Variants in KIAA1217 observed in about 807,000 individuals in gnomAD.
The protein encoded by KIAA1217 is KIAA1217.
A neutral mutation model predicts 163.9 loss-of-function variants in KIAA1217; 88 were observed. The observed-to-expected ratio is 0.54, with a 90% CI of 0.45 to 0.64. KIAA1217 has a LOEUF of 0.64. Ranked by LOEUF, KIAA1217 falls within the 30% of genes least tolerant of loss-of-function variation. The pLI is 0.00. For synonymous variants in KIAA1217, 903 were observed against 923.1 expected, an observed-to-expected ratio of 0.98 and a Z score of 0.39; for missense variants, 2,372 against 2,475.0, an observed-to-expected ratio of 0.96 and a Z score of 0.88.
chr10:23,706,877 G>C (rs188878014), intron 1 of KIAA1217, among the ~76,000 whole-genome samples: 58 of 152,248 alleles, frequency 3.8e-4, no homozygotes, highest in Non-Finnish European at 3.2e-4. Context: ...GTATGGAAGA[G>C]GGGAGGAAAA....
intron 2 of KIAA1217, among the ~76,000 whole-genome samples, chr10:24,096,625 C>T (rs1564696898): frequency 6.6e-6 from 1 of 152,176 alleles, no homozygotes; most frequent in Non-Finnish European, 1.5e-5. Context: ...CCCCATCTCC[C>T]TCTGTCTCCT....
intron 3 of KIAA1217, among the ~76,000 whole-genome samples, chr10:24,398,278 T>C (rs190098656): frequency 6.6e-6 from 1 of 152,304 alleles, no homozygotes; most frequent in East Asian, 1.9e-4. Flanking sequence ...AAGTGGGTCA[T>C]CATTAAGCTC....
chr10:23,969,688 A>T (rs1046749407), intron 1 of KIAA1217, among the ~76,000 whole-genome samples: 1 of 152,162 alleles, frequency 6.6e-6, no homozygotes, highest in Non-Finnish European at 1.5e-5. Flanking sequence ...AAGTCCCTTT[A>T]TCAAATATAT....
chr10:23,934,074 A>G (rs1438412116), intron 1 of KIAA1217, among the ~76,000 whole-genome samples: 1 of 152,196 alleles, frequency 6.6e-6, no homozygotes, highest in Non-Finnish European at 1.5e-5. Context: ...TTCTACTATA[A>G]AAACAGATGC....
At chr10:24,405,340 A>C (rs2057093147) in intron 3 of KIAA1217, among the ~76,000 whole-genome samples, 1 of 152,244 alleles carries the variant, frequency 6.6e-6, no homozygotes, top group African/African-American at 2.4e-5. Context: ...AAGAAGGATA[A>C]TAAACCTAGA....
chr10:24,049,386 C>CTT (rs534671269), intron 2 of KIAA1217, among the ~76,000 whole-genome samples: 6 of 152,202 alleles, frequency 3.9e-5, no homozygotes, highest in African/African-American at 1.4e-4. Flanking sequence ...TAAATTATCT[C>CTT]TTTTTTTAAC....
chr10:24,054,113 C>T (rs1466072424), intron 2 of KIAA1217, among the ~76,000 whole-genome samples: 7 of 152,118 alleles, frequency 4.6e-5, no homozygotes, highest in Non-Finnish European at 7.4e-5. Context: ...TGTGGTTCCA[C>T]GGGGTTTAAC....
At chr10:23,999,990 C>A (rs1846666708) in intron 1 of KIAA1217, among the ~76,000 whole-genome samples, 1 of 152,108 alleles carries the variant, frequency 6.6e-6, no homozygotes, top group African/African-American at 2.4e-5. Context: ...CACTTGAGCC[C>A]AGGAGTTTGA....
At chr10:23,824,652 AAAAAAAATATAT>A (rs1837799375) in intron 1 of KIAA1217, among the ~76,000 whole-genome samples, 1 of 10,548 alleles carries the variant, frequency 9.5e-5, no homozygotes, top group African/African-American at 2.0e-4. Context: ...AAAAAAAAAT[AAAAAAAATATAT>A]ATATATATAT....
intron 5 of KIAA1217, among the ~76,000 whole-genome samples, chr10:24,446,637 G>A (rs75885544): frequency 0.077 from 11,756 of 152,192 alleles, 512 homozygotes; most frequent in Middle Eastern, 0.12. Context: ...TGACCCACCT[G>A]TAATATCCCC....
chr10:24,198,062 C>T (rs746481536), intron 2 of KIAA1217, among the ~76,000 whole-genome samples: 1 of 152,236 alleles, frequency 6.6e-6, no homozygotes, highest in Non-Finnish European at 1.5e-5. Context: ...CACCTCTGTG[C>T]TGTGTTGCTT....
At chr10:23,789,891 T>A (rs1835659332) in intron 1 of KIAA1217, among the ~76,000 whole-genome samples, 2 of 148,796 alleles carry the variant, frequency 1.3e-5, no homozygotes, top group Non-Finnish European at 3.0e-5. Flanking sequence ...ATATATCATA[T>A]ATATGATATA....
At chr10:24,258,448 C>A (rs191414531) in intron 2 of KIAA1217, among the ~76,000 whole-genome samples, 1 of 152,078 alleles carries the variant, frequency 6.6e-6, no homozygotes, top group African/African-American at 2.4e-5. Flanking sequence ...AACAGATACA[C>A]CCTGAGAATC....
At chr10:24,011,012 G>A (rs1847216271) in intron 2 of KIAA1217, among the ~76,000 whole-genome samples, 1 of 152,128 alleles carries the variant, frequency 6.6e-6, no homozygotes, top group South Asian at 2.1e-4. Context: ...ACTCCAATAT[G>A]ATTGGTAATA....
chr10:24,010,655 G>T (rs1445826755), intron 2 of KIAA1217, among the ~76,000 whole-genome samples: 5 of 147,300 alleles, frequency 3.4e-5, no homozygotes, highest in African/African-American at 1.3e-4. Context: ...GATCACATAT[G>T]TTCTCGGTTC....
chr10:24,403,663 C>A (rs1393552357), intron 3 of KIAA1217, among the ~76,000 whole-genome samples: 1 of 152,136 alleles, frequency 6.6e-6, no homozygotes, highest in Non-Finnish European at 1.5e-5. Context: ...AGTGAAAAAT[C>A]AAGCAATCCA....
chr10:24,143,974 T>G (rs140229708), intron 2 of KIAA1217, among the ~76,000 whole-genome samples: 169 of 152,300 alleles, frequency 1.1e-3, no homozygotes, highest in Middle Eastern at 6.8e-3. Context: ...GATTTAGGGT[T>G]AAGTCTGTAA....
intron 2 of KIAA1217, among the ~76,000 whole-genome samples, chr10:24,084,285 C>A (rs1256203506): frequency 6.6e-6 from 1 of 152,164 alleles, no homozygotes; most frequent in African/African-American, 2.4e-5. Context: ...CGATGTTTCA[C>A]CTATTAGAAT....
chr10:24,533,154 T>C lies in KIAA1217; in HGVS notation c.3331T>C (p.Ser1111Pro), dbSNP rs201659593. The change falls in exon 16 of 21, where the codon TCC (serine) becomes CCC (proline). Residue 1111 changes from serine (S) to proline (P), a missense_variant. This residue lies in a region of KIAA1217 where 1,431 missense variants were observed against 1,470.3 expected (regional missense o/e 0.97). Coordinates refer to ENST00000376454, the MANE Select transcript of KIAA1217 (RefSeq NM_019590.5). ...AEEPASAWTP[S>P]PPPVTTSSSK... ...GGAGCCTGCTTCAGCCTGGACCCCA[T>C]CCCCACCGCCTGTCACCACCTCCTC... 1 of 1,613,204 alleles carries C rather than the reference T, an allele frequency of 6.2e-7. No homozygotes were observed.
Sources: gnomAD v4.1 joint callset for allele counts (sites outside exome capture counted in the v4.1 genomes callset) on GRCh38, gnomAD v4.1.1 for gene constraint, gnomAD v4.1.1 regional missense constraint, MANE v1.5 for transcripts, NCBI Gene and HGNC (gene_info 2026-07-23, HGNC 2026-07-21) for gene names.